Variants in SUGCT observed in about 807,000 individuals in gnomAD.
The protein encoded by SUGCT is succinyl-CoA:glutarate-CoA transferase.
SUGCT carries 41 observed loss-of-function variants against 55.0 expected under a neutral mutation model. The ratio of observed to expected loss-of-function variants is 0.74; its 90% CI spans 0.58 to 0.97. The LOEUF is 0.97. Ranked by LOEUF, SUGCT falls within the 50% of genes least tolerant of loss-of-function variation. The pLI is 0.00. For synonymous variants in SUGCT, 187 were observed against 200.4 expected, an observed-to-expected ratio of 0.93 and a Z score of 0.56; for missense variants, 568 against 547.8, an observed-to-expected ratio of 1.04 and a Z score of -0.37.
At chr7:40,892,239 A>G in the SUGCT span, among the ~76,000 whole-genome samples, 2 of 152,218 alleles carry the variant, frequency 1.3e-5, no homozygotes, top group Non-Finnish European at 2.9e-5. Flanking sequence ...GTTAAAGTGT[A>G]GAGTTTTTAT....
intron 12 of SUGCT, among the ~76,000 whole-genome samples, chr7:40,680,283 T>C (rs888551235): frequency 5.9e-5 from 9 of 152,194 alleles, no homozygotes; most frequent in African/African-American, 1.9e-4. Flanking sequence ...TATATTATGT[T>C]CAATAAGTGC....
chr7:40,621,442 C>T (rs547706507), intron 12 of SUGCT, among the ~76,000 whole-genome samples: 2 of 152,142 alleles, frequency 1.3e-5, no homozygotes, highest in African/African-American at 4.8e-5. Flanking sequence ...CGCACAAAGT[C>T]TCCAGGGAAG....
intron 12 of SUGCT, among the ~76,000 whole-genome samples, chr7:40,660,420 G>A (rs1441286536): frequency 6.6e-6 from 1 of 152,082 alleles, no homozygotes; most frequent in Non-Finnish European, 1.5e-5. Context: ...CACCATGTCT[G>A]GCTAATTTTT....
chr7:40,143,328 G>T (rs1353257244), intron 1 of SUGCT, among the ~76,000 whole-genome samples: 1 of 152,222 alleles, frequency 6.6e-6, no homozygotes, highest in Non-Finnish European at 1.5e-5. Context: ...TTTTCCCTTG[G>T]TCGTTGGAGA....
At chr7:40,357,787 T>TTGATTTTTTTAACCATTTAAAAA (rs1476398570) in intron 9 of SUGCT, among the ~76,000 whole-genome samples, 1 of 152,192 alleles carries the variant, frequency 6.6e-6, no homozygotes, top group Non-Finnish European at 1.5e-5. Context: ...TAATCTTCTT[T>TTGATTTTTTTAACCATTTAAAAA]TGATTTTTTT....
intron 11 of SUGCT, among the ~76,000 whole-genome samples, chr7:40,492,531 C>T (rs1193020501): frequency 6.6e-6 from 1 of 152,172 alleles, no homozygotes; most frequent in African/African-American, 2.4e-5. Flanking sequence ...CTTAGCACAG[C>T]AGACAAGTTG....
intron 8 of SUGCT, among the ~76,000 whole-genome samples, chr7:40,305,455 C>T (rs553720932): frequency 2.4e-4 from 37 of 152,180 alleles, no homozygotes; most frequent in Non-Finnish European, 4.9e-4. Context: ...AAATCCTTTG[C>T]TTCCTGAAGC....
intron 6 of SUGCT, among the ~76,000 whole-genome samples, chr7:40,229,172 G>A (rs1788565052): frequency 6.6e-6 from 1 of 152,156 alleles, no homozygotes; most frequent in Non-Finnish European, 1.5e-5. Context: ...GTGATACTGG[G>A]TTAGTCTTTG....
intron 13 of SUGCT, among the ~76,000 whole-genome samples, chr7:40,842,257 C>T (rs1185351522): frequency 1.3e-5 from 2 of 151,988 alleles, no homozygotes; most frequent in African/African-American, 2.4e-5. Flanking sequence ...GTACAAATTA[C>T]AGTCTCATAG....
At chr7:40,335,278 T>C (rs1200009252) in intron 9 of SUGCT, among the ~76,000 whole-genome samples, 1 of 152,232 alleles carries the variant, frequency 6.6e-6, no homozygotes, top group African/African-American at 2.4e-5. Flanking sequence ...TTTCCAATTC[T>C]GTGAAGAAAG....
intron 12 of SUGCT, among the ~76,000 whole-genome samples, chr7:40,688,304 C>A (rs1784551516): frequency 6.6e-6 from 1 of 152,100 alleles, no homozygotes; most frequent in African/African-American, 2.4e-5. Context: ...GTCTCTGTTA[C>A]CAGAAATTTA....
chr7:41,006,648 C>G, the SUGCT span, among the ~76,000 whole-genome samples: 2 of 152,250 alleles, frequency 1.3e-5, no homozygotes, highest in East Asian at 3.9e-4. Context: ...AGGTTTCAGG[C>G]TCTCAAGGGG....
chr7:40,209,077 C>G lies in SUGCT; in HGVS notation c.484+14017C>G, dbSNP rs540453427. Among the ~76,000 whole-genome samples, 13 of 152,228 alleles carry G rather than the reference C, an allele frequency of 8.5e-5. No individual in the cohort carries two copies. The South Asian group carries it at 2.7e-3, about 32-fold the overall frequency. On this transcript the variant is annotated intron_variant, in intron 6 of 13. Coordinates refer to ENST00000335693, the MANE Select transcript of SUGCT (RefSeq NM_001193313.2). ...TGTAAATTGTCATTCCTAAAATTGTCTAAGAAATACTCAGAGGAATGAGTG... is the reference window on the plus strand; with the variant it reads ...TGTAAATTGTCATTCCTAAAATTGTGTAAGAAATACTCAGAGGAATGAGTG...
At chr7:40,640,360 A>G (rs1800216519) in intron 12 of SUGCT, among the ~76,000 whole-genome samples, 3 of 152,194 alleles carry the variant, frequency 2.0e-5, no homozygotes, top group African/African-American at 4.8e-5. Context: ...ACTTTATTGT[A>G]TCTAATAACT....
At chr7:40,201,050 A>G (rs1212461604) in intron 6 of SUGCT, among the ~76,000 whole-genome samples, 1 of 152,166 alleles carries the variant, frequency 6.6e-6, no homozygotes, top group Non-Finnish European at 1.5e-5. Flanking sequence ...CGGCATATTC[A>G]CCACATAACT....
At chr7:40,862,135 T>G (rs1794499262), downstream of SUGCT, among the ~76,000 whole-genome samples, 2 of 152,218 alleles carry the variant, frequency 1.3e-5, no homozygotes, top group African/African-American at 4.8e-5. Flanking sequence ...CCTAAATATC[T>G]GGCTAAACAT....
chr7:40,896,984 C>T, the SUGCT span, among the ~76,000 whole-genome samples: 7 of 152,288 alleles, frequency 4.6e-5, no homozygotes, highest in African/African-American at 1.2e-4. Context: ...GTAATCAAAA[C>T]AGTACAGCAC....
chr7:40,773,329 A>G (rs766387047), intron 13 of SUGCT, among the ~76,000 whole-genome samples: 4 of 152,080 alleles, frequency 2.6e-5, no homozygotes, highest in African/African-American at 9.7e-5. Flanking sequence ...GGGTTTCACC[A>G]TGTTGGCCAG....
chr7:40,531,418 G>C (rs757234210), intron 12 of SUGCT, among the ~76,000 whole-genome samples: 1 of 151,758 alleles, frequency 6.6e-6, no homozygotes, highest in Non-Finnish European at 1.5e-5. Flanking sequence ...GGAGTTATTG[G>C]ATTTTTTTTT....
Sources: gnomAD v4.1 joint callset for allele counts (sites outside exome capture counted in the v4.1 genomes callset) on GRCh38, gnomAD v4.1.1 for gene constraint, MANE v1.5 for transcripts, NCBI Gene and HGNC (gene_info 2026-07-23, HGNC 2026-07-21) for gene names.